UGGT2: variants seen among roughly 807,000 people sequenced by gnomAD.
The protein encoded by UGGT2 is UDP-glucose:glycoprotein glucosyltransferase 2.
In UGGT2, 180 loss-of-function variants were observed where a neutral mutation model predicts 192.1. That is an observed-to-expected ratio of 0.94 (90% CI 0.83 to 1.06). The LOEUF (loss-of-function observed/expected upper bound fraction) is 1.06, where lower values mean the gene tolerates loss of function less well. Ranked by LOEUF, UGGT2 falls within the 50% of genes least tolerant of loss-of-function variation. The pLI, the probability that UGGT2 is intolerant of heterozygous loss-of-function variation, is 0.00. For missense variants in UGGT2, 1,849 were observed against 1,795.7 expected (o/e 1.03, Z -0.54); for synonymous variants, 580 against 591.0 (o/e 0.98, Z 0.27).
chr13:96,024,974 C>T (rs1345240664), intron 2 of UGGT2, among the ~76,000 whole-genome samples: 1 of 152,198 alleles, frequency 6.6e-6, no homozygotes, highest in African/African-American at 2.4e-5. Flanking sequence ...CAGTTCCTCT[C>T]TTTACCACAA....
At chr13:95,909,401 A>C (rs938986920) in intron 20 of UGGT2, among the ~76,000 whole-genome samples, 4 of 151,736 alleles carry the variant, frequency 2.6e-5, no homozygotes, top group Non-Finnish European at 5.9e-5. Flanking sequence ...GCACGTATAC[A>C]CCATGGAATA....
At chr13:95,946,147 C>A (rs2049860567) in intron 15 of UGGT2, among the ~76,000 whole-genome samples, 1 of 152,142 alleles carries the variant, frequency 6.6e-6, no homozygotes, top group Non-Finnish European at 1.5e-5. Context: ...TGATCCATAA[C>A]AGAATTTCAA....
At chr13:95,979,538 G>T (rs1228969135) in intron 10 of UGGT2, among the ~76,000 whole-genome samples, 6 of 38,428 alleles carry the variant, frequency 1.6e-4, no homozygotes, top group Admixed American at 3.1e-4. Context: ...ATTTCCCCTG[G>T]TCTCTTACGC....
At chr13:95,956,341 T>G (rs1594432168) in intron 12 of UGGT2, among the ~76,000 whole-genome samples, 1 of 152,176 alleles carries the variant, frequency 6.6e-6, no homozygotes, top group East Asian at 1.9e-4. Context: ...TAAAATTTTG[T>G]TGTACATCAA....
At chr13:95,908,618 G>A (rs1228480362) in intron 20 of UGGT2, among the ~76,000 whole-genome samples, 2 of 150,868 alleles carry the variant, frequency 1.3e-5, no homozygotes, top group African/African-American at 2.4e-5. Flanking sequence ...GTTGTTTCCT[G>A]ACTTTTTAAT....
rs1889610973 is a variant in UGGT2 at position 95,856,317 on chromosome 13, T to C, written c.3849A>G (p.Lys1283=). Reference sequence around the variant, plus strand: ...CTAGTTCATATCGGAATCCATACTCTTTAGCCATGTGAGGAATTACTTCCT... The same window carrying C: ...CTAGTTCATATCGGAATCCATACTCCTTAGCCATGTGAGGAATTACTTCCT... ...TFKEVIPHMA[K]EYGFRYELVQ... The change falls in exon 34 of 39, where the codon AAA becomes AAG. Residue 1283 remains lysine (K), a synonymous_variant. Transcript: ENST00000376747. 1 of 1,606,992 alleles carries C rather than the reference T, an allele frequency of 6.2e-7. No individual in the cohort carries two copies. Among genetic ancestry groups the C allele is most frequent in the African/African-American group, 1.3e-5 (1 of 74,572 alleles).
At chr13:95,835,249 A>T (rs1887159910) in intron 37 of UGGT2, among the ~76,000 whole-genome samples, 1 of 152,198 alleles carries the variant, frequency 6.6e-6, no homozygotes, top group African/African-American at 2.4e-5. Context: ...TCCCTGAGAC[A>T]TGGCACACAG....
intron 1 of UGGT2, among the ~76,000 whole-genome samples, chr13:96,038,031 C>A (rs2053056831): frequency 6.6e-6 from 1 of 152,168 alleles, no homozygotes; most frequent in African/African-American, 2.4e-5. Context: ...TAATAAAGGA[C>A]CTCCTACAAT....
In UGGT2 at chr13:95,832,985, C is replaced by T. The variant is rs1886889650; in HGVS notation, c.4470G>A (p.Glu1490=). 3 of 1,613,004 alleles carry T rather than the reference C, an allele frequency of 1.9e-6. No individual in the cohort carries two copies. The highest frequency in any genetic ancestry group is 1.7e-4 in the Middle Eastern group (1 of 6,052). ...ATAGTTGTCTTATCTCAGCATCATA[C>T]TCCACCCATTCTGGGACAATTCTGG... ...AAARIVPEWV[E]YDAEIRQLLD... is the part of the protein sequence containing the mutation. Residue 1490 remains glutamate (E), a synonymous_variant, in exon 38 of 39, where the codon GAG becomes GAA. Coordinates refer to ENST00000376747, the MANE Select transcript of UGGT2 (RefSeq NM_020121.4).
At chr13:95,980,200 T>C (rs747417556) in intron 10 of UGGT2, among the ~76,000 whole-genome samples, 23 of 152,204 alleles carry the variant, frequency 1.5e-4, no homozygotes, top group Non-Finnish European at 3.1e-4. Flanking sequence ...TGCATGTTTA[T>C]AGCAGAACAA....
chr13:95,851,191 T>C (rs901247720), intron 36 of UGGT2, among the ~76,000 whole-genome samples: 2 of 152,192 alleles, frequency 1.3e-5, no homozygotes, highest in African/African-American at 4.8e-5. Flanking sequence ...AACAGGCAGC[T>C]AAGTGGTATT....
At chr13:95,843,499 T>G (rs1357838017) in intron 36 of UGGT2, among the ~76,000 whole-genome samples, 2 of 152,140 alleles carry the variant, frequency 1.3e-5, no homozygotes, top group Non-Finnish European at 2.9e-5. Flanking sequence ...TATTTATCAA[T>G]TTTTTCTTTT....
Position 96,028,379 on chromosome 13 carries a change from C to A in UGGT2, c.241+3510G>T, listed in dbSNP as rs535526004. The stretch of plus-strand genomic sequence containing the variant: ...AAAAGCAACTTAATTTGTGTAAAAA[C>A]CACTAAAATCTTCAAGGACTTTGAA... On this transcript the variant is annotated intron_variant, in intron 2 of 38. Transcript: ENST00000376747. 3.3e-5 allele frequency among the ~76,000 whole-genome samples: 5 copies of A among 152,250 alleles called. No homozygotes were observed. The South Asian group carries it at 1.0e-3, about 32-fold the overall frequency.
chr13:95,902,844 A>C lies in UGGT2; in HGVS notation c.2502+10T>G. ...TACATACATATTTAATATTTCAAATAGCTACTGACCTCAATAAGGAATGTT... is the reference window on the plus strand; with the variant it reads ...TACATACATATTTAATATTTCAAATCGCTACTGACCTCAATAAGGAATGTT... On this transcript the variant is annotated intron_variant, in intron 21 of 38. Coordinates refer to ENST00000376747, the MANE Select transcript of UGGT2 (RefSeq NM_020121.4). 6.2e-7 allele frequency: 1 copy of C among 1,606,634 alleles called. No homozygotes were observed. The highest frequency in any genetic ancestry group is 8.5e-7 in the Non-Finnish European group (1 of 1,176,290).
chr13:95,833,667 A>G (rs1301326479), intron 37 of UGGT2, among the ~76,000 whole-genome samples: 1 of 152,228 alleles, frequency 6.6e-6, no homozygotes, highest in Admixed American at 6.5e-5. Context: ...AGTCTGACAC[A>G]CTATGTATCT....
intron 12 of UGGT2, among the ~76,000 whole-genome samples, chr13:95,953,352 A>G (rs892729577): frequency 1.3e-5 from 2 of 152,200 alleles, no homozygotes; most frequent in African/African-American, 2.4e-5. Context: ...CTTTTCAGAG[A>G]GCTGAAGGAC....
In UGGT2 at chr13:96,053,141, C is replaced by G. The variant is rs1445954783; in HGVS notation, c.158+14G>C. On this transcript the variant is annotated intron_variant, in intron 1 of 38. Transcript: ENST00000376747. Reference sequence around the variant, plus strand: ...GCCCACACCCGCCCGGACGAGGGCCCGGCCCGCACCCACCTTGCCTCCAGC... The same window carrying G: ...GCCCACACCCGCCCGGACGAGGGCCGGGCCCGCACCCACCTTGCCTCCAGC... 1 of 1,488,374 alleles carries G rather than the reference C, an allele frequency of 6.7e-7. No individual in the cohort carries two copies. Among genetic ancestry groups the G allele is most frequent in the Non-Finnish European group, 8.9e-7 (1 of 1,121,990 alleles). The allele number at this position is 1,488,374 out of a possible 1,614,324, so 92.2% of individuals were successfully genotyped here.
intron 32 of UGGT2, 98 bp downstream of exon 32, chr13:95,860,690 G>GTT: frequency 5.1e-5 from 31 of 607,180 alleles, no homozygotes; most frequent in Admixed American, 1.2e-4. Context: ...AGAGGTGGGA[G>GTT]TTTTTTTTTT....
Position 95,811,558 on chromosome 13 carries a change from T to C in UGGT2, c.4529-9746A>G, listed in dbSNP as rs1461481517. Among the ~76,000 whole-genome samples, 7 of 152,196 alleles carry C rather than the reference T, an allele frequency of 4.6e-5. No homozygotes were observed. In the East Asian group the frequency reaches 1.3e-3, roughly 29 times the overall value. On this transcript the variant is annotated intron_variant, in intron 38 of 38. Transcript: ENST00000376747. ...GATTGCTGTGATGGATGCACAACTC[T>C]ATGAATATACTAAAAGCCATTGAAC...
Sources: allele counts gnomAD v4.1 joint callset (sites outside exome capture counted in the v4.1 genomes callset), GRCh38; gene constraint gnomAD v4.1.1; transcripts MANE v1.5; gene names NCBI Gene and HGNC (gene_info 2026-07-23, HGNC 2026-07-21).